Variants in SHLD2 observed in about 807,000 individuals in gnomAD.
The protein encoded by SHLD2 is RINN1-REV7-interacting novel NHEJ regulator 2.
Under a neutral mutation model 73.2 loss-of-function variants are expected in SHLD2, and 30 were observed. The ratio of observed to expected loss-of-function variants is 0.41; its 90% CI spans 0.31 to 0.56. The LOEUF (loss-of-function observed/expected upper bound fraction) is 0.56. Ranked by LOEUF, SHLD2 falls within the 20% of genes least tolerant of loss-of-function variation. The pLI, the probability that SHLD2 is intolerant of heterozygous loss-of-function variation, is 0.28. For synonymous variants in SHLD2, 285 were observed against 370.1 expected, an observed-to-expected ratio of 0.77 and a Z score of 2.64; for missense variants, 745 against 1,055.9, an observed-to-expected ratio of 0.71 and a Z score of 4.08.
chr10:87,149,532 G>T (rs1006924521), intron 2 of SHLD2, among the ~76,000 whole-genome samples: 1 of 151,868 alleles, frequency 6.6e-6, no homozygotes, highest in Non-Finnish European at 1.5e-5. Flanking sequence ...CGACCAGCCT[G>T]GCCAACATGG....
chr10:87,188,111 A>G (rs1180223902), intron 9 of SHLD2, among the ~76,000 whole-genome samples: 1 of 152,126 alleles, frequency 6.6e-6, no homozygotes, highest in Non-Finnish European at 1.5e-5. Flanking sequence ...GGTGCATCCT[A>G]ACCTGGTGGG....
chr10:87,150,786 A>G (rs1235054451), intron 2 of SHLD2, among the ~76,000 whole-genome samples: 1 of 151,472 alleles, frequency 6.6e-6, no homozygotes, highest in African/African-American at 2.4e-5. Context: ...CTAAAAACCT[A>G]TTTACTTGTT....
At chr10:87,117,084 T>A (rs1843303775) in intron 2 of SHLD2, among the ~76,000 whole-genome samples, 1 of 152,198 alleles carries the variant, frequency 6.6e-6, no homozygotes, top group Admixed American at 6.5e-5. Flanking sequence ...AGAGACAACG[T>A]TCCCAAGTCT....
chr10:87,121,873 T>C (rs1432725002), intron 2 of SHLD2, among the ~76,000 whole-genome samples: 1 of 151,848 alleles, frequency 6.6e-6, no homozygotes, highest in Non-Finnish European at 1.5e-5. Context: ...CAAGCGATTC[T>C]TCCACCTCAG....
In SHLD2 at chr10:87,175,968, G is replaced by A. The variant is rs776739586; in HGVS notation, c.2043G>A (p.Trp681Ter). 6.5e-7 allele frequency: 1 copy of A among 1,550,158 alleles called. No homozygotes were observed. Among genetic ancestry groups the A allele is most frequent in the African/African-American group, 1.4e-5 (1 of 72,864 alleles). ...ACCTAGAATTGCATACAACGCCTTGGTCATCCTGTGAGTGCTTGTTTGATG... is the reference window on the plus strand; with the variant it reads ...ACCTAGAATTGCATACAACGCCTTGATCATCCTGTGAGTGCTTGTTTGATG... ...LENLELHTTPWSSCECLFDDD... is the reference protein window; with the variant it reads ...LENLELHTTP The change falls in exon 7 of 10, where the codon TGG becomes TGA. Residue 681 changes from tryptophan to a stop codon, truncating the protein, a stop_gained. Coordinates refer to ENST00000298786, the MANE Select transcript of SHLD2 (RefSeq NM_001330112.2). LOFTEE classifies it high-confidence loss of function.
At chr10:87,186,561 ATGT>A (rs983088709) in intron 8 of SHLD2, among the ~76,000 whole-genome samples, 2 of 152,172 alleles carry the variant, frequency 1.3e-5, no homozygotes, top group Non-Finnish European at 2.9e-5. Flanking sequence ...AATATTGTTC[ATGT>A]TGTTGTTCCC....
rs570174033 is a variant in SHLD2 at position 87,181,147 on chromosome 10, G to A, written c.2399+844G>A. Among the ~76,000 whole-genome samples, 9 of 151,690 alleles carry A rather than the reference G, an allele frequency of 5.9e-5. No homozygotes were observed. In the East Asian group the frequency reaches 7.8e-4, roughly 13 times the overall value. On this transcript the variant is annotated intron_variant, in intron 8 of 9. Coordinates refer to ENST00000298786, the MANE Select transcript of SHLD2 (RefSeq NM_001330112.2). Reference sequence around the variant, plus strand: ...TGTAATCCCAGCACTTTGGGAGGCCGGGGTGGGGGGATCGCTTGAGCCCAG... The same window carrying A: ...TGTAATCCCAGCACTTTGGGAGGCCAGGGTGGGGGGATCGCTTGAGCCCAG...
At chr10:87,094,828 C>T, upstream of SHLD2, 1 of 1,330,444 alleles carries the variant, frequency 7.5e-7, no homozygotes, top group Non-Finnish European at 1.0e-6. This position sits in a 1 kb window ranked among gnomAD's most constrained non-coding sequence, Gnocchi z 6.6. Flanking sequence ...TTCTCAGACT[C>T]CCCGCGACTA....
intron 2 of SHLD2, among the ~76,000 whole-genome samples, chr10:87,143,228 T>A (rs1325943946): frequency 6.6e-6 from 1 of 152,136 alleles, no homozygotes; most frequent in Non-Finnish European, 1.5e-5. Context: ...CTTGAGCCAC[T>A]ATGCGTGGCC....
At chr10:87,129,342 C>T (rs1282497545) in intron 2 of SHLD2, among the ~76,000 whole-genome samples, 4 of 152,184 alleles carry the variant, frequency 2.6e-5, no homozygotes, top group South Asian at 4.1e-4. Context: ...CCACTCACTT[C>T]GGCCTCCCAA....
chr10:87,122,037 T>A lies in SHLD2; in HGVS notation c.-6+25048T>A, dbSNP rs575247870. Among the ~76,000 whole-genome samples the A allele has an allele frequency of 8.5e-5, 13 of 152,186 alleles. No individual in the cohort carries two copies. In the East Asian group the frequency reaches 2.3e-3, roughly 27 times the overall value. Reference sequence around the variant, plus strand: ...GCCTTGGTCTCCCAAAGTTCTGGGATTACAGGCGTGAGCCACTGAACCTGG... The same window carrying A: ...GCCTTGGTCTCCCAAAGTTCTGGGAATACAGGCGTGAGCCACTGAACCTGG... On this transcript the variant is annotated intron_variant, in intron 2 of 9. Coordinates refer to ENST00000298786, the MANE Select transcript of SHLD2 (RefSeq NM_001330112.2).
chr10:87,130,141 A>G (rs997358300), intron 2 of SHLD2, among the ~76,000 whole-genome samples: 8 of 151,790 alleles, frequency 5.3e-5, no homozygotes, highest in Non-Finnish European at 8.8e-5. Flanking sequence ...GACTATTTGC[A>G]GTTATGCCTC....
chr10:87,160,467 C>A (rs931424460), intron 4 of SHLD2, among the ~76,000 whole-genome samples: 1 of 152,126 alleles, frequency 6.6e-6, no homozygotes, highest in Non-Finnish European at 1.5e-5. Flanking sequence ...CGGAGTCAGA[C>A]CTTGTCTCAA....
intron 8 of SHLD2, among the ~76,000 whole-genome samples, chr10:87,183,589 C>T (rs1182337019): frequency 6.6e-6 from 1 of 152,106 alleles, no homozygotes. Flanking sequence ...TGTTTTATAC[C>T]CAGCCAAACT....
chr10:87,117,319 T>C (rs990921862), intron 2 of SHLD2, among the ~76,000 whole-genome samples: 3 of 151,996 alleles, frequency 2.0e-5, no homozygotes, highest in Non-Finnish European at 2.9e-5. Flanking sequence ...CTCGGGAGGC[T>C]GAGGCAGGAG....
intron 2 of SHLD2, among the ~76,000 whole-genome samples, chr10:87,134,268 G>T (rs1160306248): frequency 6.6e-6 from 1 of 152,144 alleles, no homozygotes; most frequent in Non-Finnish European, 1.5e-5. Context: ...ACCCATCTAA[G>T]AGCTGAGGAT....
At chr10:87,096,881 T>A (rs1841936265) in intron 1 of SHLD2, 53 bp from the exon 2 acceptor site, 1 of 152,266 alleles carries the variant, frequency 6.6e-6, no homozygotes, top group South Asian at 2.1e-4. Context: ...ATATTTTACC[T>A]TACTTGCTAA....
intron 9 of SHLD2, among the ~76,000 whole-genome samples, chr10:87,188,210 C>CT (rs1043054940): frequency 6.6e-6 from 1 of 152,156 alleles, no homozygotes; most frequent in African/African-American, 2.4e-5. Flanking sequence ...AGCCCTGTCC[C>CT]TTATGTGGCA....
intron 2 of SHLD2, among the ~76,000 whole-genome samples, chr10:87,135,206 A>G (rs182550981): frequency 5.9e-5 from 9 of 151,680 alleles, no homozygotes; most frequent in Admixed American, 3.3e-4. Flanking sequence ...ATTTGTTATA[A>G]TTAATGAACT....
Sources: gnomAD v4.1 joint callset for allele counts (sites outside exome capture counted in the v4.1 genomes callset) on GRCh38, gnomAD v4.1.1 for gene constraint, Gnocchi (gnomAD v3.1) non-coding constraint, MANE v1.5 for transcripts, NCBI Gene and HGNC (gene_info 2026-07-23, HGNC 2026-07-21) for gene names.